CNTN3: variants seen among roughly 807,000 people sequenced by gnomAD.
CNTN3 encodes the protein contactin 3.
A neutral mutation model predicts 119.1 loss-of-function variants in CNTN3; 60 were observed. That is an observed-to-expected ratio of 0.50 (90% CI 0.41 to 0.62). CNTN3 has a LOEUF of 0.62. CNTN3 is among the 20% of genes least tolerant of loss of function. The pLI is 0.00. For synonymous variants in CNTN3, 450 were observed against 438.7 expected (o/e 1.03, Z -0.32); for missense variants, 1,101 against 1,242.4 (o/e 0.89, Z 1.71).
intron 2 of CNTN3, among the ~76,000 whole-genome samples, chr3:74,500,089 C>G (rs1350381148): frequency 2.0e-5 from 3 of 151,714 alleles, no homozygotes; most frequent in Non-Finnish European, 4.4e-5. Context: ...GGTGAATAAA[C>G]TATTACACCA....
At chr3:74,373,332 C>A (rs531266136) in intron 5 of CNTN3, among the ~76,000 whole-genome samples, 20 of 152,168 alleles carry the variant, frequency 1.3e-4, no homozygotes, top group African/African-American at 4.8e-4. Flanking sequence ...CCTGCTGCTC[C>A]GGCAACCTCA....
chr3:74,444,237 A>G (rs527295707), intron 4 of CNTN3, among the ~76,000 whole-genome samples: 124 of 151,064 alleles, frequency 8.2e-4, no homozygotes, highest in African/African-American at 3.0e-3. Context: ...TTCAAACAAC[A>G]TCCCATTCTG....
At chr3:74,446,012 A>G (rs552985918) in intron 4 of CNTN3, among the ~76,000 whole-genome samples, 1 of 152,272 alleles carries the variant, frequency 6.6e-6, no homozygotes, top group Admixed American at 6.5e-5. Flanking sequence ...TTTAAAGGCC[A>G]CATCTTTGTC....
chr3:74,574,518 C>T (rs1233569639), intron 1 of CNTN3, among the ~76,000 whole-genome samples: 1 of 152,090 alleles, frequency 6.6e-6, no homozygotes, highest in Non-Finnish European at 1.5e-5. Flanking sequence ...TAAATTAAAC[C>T]ACGTTTAGGT....
Position 74,387,084 on chromosome 3 carries a change from T to C in CNTN3, c.455-15685A>G, listed in dbSNP as rs146554954. Among the ~76,000 whole-genome samples the C allele has an allele frequency of 4.7e-3, 721 of 152,282 alleles. 12 individuals are homozygous for C. The highest frequency in any genetic ancestry group is 0.016 in the African/African-American group (685 of 41,556). On this transcript the variant is annotated intron_variant, in intron 5 of 22. Transcript: ENST00000263665. ...TGTCAAACAAGTTTACTGTGCTTTG[T>C]TGACAGTAAGAAACTCCAAAGTGAT...
At chr3:74,510,046 C>CATAT (rs5850186) in intron 2 of CNTN3, among the ~76,000 whole-genome samples, 28,491 of 147,576 alleles carry the variant, frequency 0.19, 2,830 homozygotes, top group South Asian at 0.35. Context: ...TATAAGTTTT[C>CATAT]ATATATATAT....
chr3:74,299,727 C>G, intron 17 of CNTN3, 141 bp downstream of exon 17: 1 of 567,456 alleles, frequency 1.8e-6, no homozygotes, highest in Non-Finnish European at 3.1e-6. Flanking sequence ...ACCTATATTA[C>G]CACCAGCAGC....
intron 4 of CNTN3, among the ~76,000 whole-genome samples, chr3:74,464,706 TC>T (rs1386825348): frequency 1.3e-5 from 2 of 152,208 alleles, no homozygotes; most frequent in Admixed American, 1.3e-4. Context: ...AGTTTTGCAC[TC>T]CTTCTCCTCC....
At chr3:74,267,436 C>T (rs955429782) in intron 20 of CNTN3, 58 bp from the exon 21 acceptor site, 6 of 1,199,428 alleles carry the variant, frequency 5.0e-6, no homozygotes, top group African/African-American at 3.0e-5. Flanking sequence ...ATATTTTACA[C>T]GGAGGAGATG....
At chr3:74,272,664 G>T (rs574516409) in intron 20 of CNTN3, among the ~76,000 whole-genome samples, 1 of 152,250 alleles carries the variant, frequency 6.6e-6, no homozygotes, top group Admixed American at 6.5e-5. Flanking sequence ...CCAACAAATA[G>T]CATTCAGTCA....
chr3:74,300,466 C>G (rs1295858762), intron 16 of CNTN3, among the ~76,000 whole-genome samples: 1 of 152,142 alleles, frequency 6.6e-6, no homozygotes, highest in Non-Finnish European at 1.5e-5. Context: ...ATAGAAGTCC[C>G]ATGAAGGTGG....
chr3:74,369,983 C>T lies in CNTN3; in HGVS notation c.667G>A (p.Gly223Ser), dbSNP rs750537362. Residue 223 changes from glycine to serine, a missense_variant, in exon 7 of 23, where the codon GGT (glycine) becomes AGT (serine). By Grantham distance (56) the Gly-to-Ser change is moderately conservative (BLOSUM62 0). Coordinates refer to ENST00000263665, the MANE Select transcript of CNTN3 (RefSeq NM_020872.3). ...ACTTCTATTTTAGGTTCATATTCACCCATCACACCTATAAATCCACAATAT... is the reference window on the plus strand; with the variant it reads ...ACTTCTATTTTAGGTTCATATTCACTCATCACACCTATAAATCCACAATAT... ...PLVLRSDGVM[G>S]EYEPKIEVQF... is the part of the protein sequence containing the mutation. The T allele has an allele frequency of 6.5e-7, 1 of 1,547,942 alleles. No homozygotes were observed. Among genetic ancestry groups the T allele is most frequent in the South Asian group, 1.1e-5 (1 of 88,828 alleles).
intron 5 of CNTN3, among the ~76,000 whole-genome samples, chr3:74,414,848 C>G: frequency 7.1e-6 from 1 of 140,684 alleles, no homozygotes; most frequent in South Asian, 2.4e-4. Context: ...CAGATCAATT[C>G]TTGGATCTCA....
At chr3:74,305,146 A>T (rs1252641140) in intron 13 of CNTN3, among the ~76,000 whole-genome samples, 1 of 152,206 alleles carries the variant, frequency 6.6e-6, no homozygotes, top group Non-Finnish European at 1.5e-5. Context: ...GGTGGTGTAA[A>T]CATGTGAAAC....
At position 74,273,609 on chromosome 3, in the gene CNTN3, A is replaced by G. The variant is rs143970243; in HGVS notation, c.2705-6231T>C. ...TTACCTGGAGCTGAGAGCTGAGTCA[A>G]TTTAGGAGCTGAGTGAAATACAGGG... On this transcript the variant is annotated intron_variant, in intron 20 of 22. Coordinates refer to ENST00000263665, the MANE Select transcript of CNTN3 (RefSeq NM_020872.3). Among the ~76,000 whole-genome samples the G allele has an allele frequency of 7.3e-3, 1,109 of 152,266 alleles. 11 individuals are homozygous for G. The highest frequency in any genetic ancestry group is 0.026 in the African/African-American group (1,070 of 41,548).
chr3:74,273,980 G>A (rs547352610), intron 20 of CNTN3, among the ~76,000 whole-genome samples: 1 of 152,240 alleles, frequency 6.6e-6, no homozygotes, highest in Admixed American at 6.5e-5. Flanking sequence ...GGCACAGTGG[G>A]AGTGAGACTG....
intron 13 of CNTN3, among the ~76,000 whole-genome samples, chr3:74,331,069 C>A (rs139044318): frequency 6.6e-6 from 1 of 152,116 alleles, no homozygotes; most frequent in East Asian, 1.9e-4. Flanking sequence ...TGAGTGTATC[C>A]TAAGTGTACA....
intron 1 of CNTN3, among the ~76,000 whole-genome samples, chr3:74,583,482 G>A (rs1704546866): frequency 6.6e-6 from 1 of 152,076 alleles, no homozygotes. Context: ...CATACATTAT[G>A]TTTCCATTTA....
chr3:74,511,663 CT>C (rs918675351), intron 2 of CNTN3, among the ~76,000 whole-genome samples: 1 of 152,002 alleles, frequency 6.6e-6, no homozygotes, highest in Admixed American at 6.6e-5. Context: ...AGTGAGACCC[CT>C]GTCTCTAAAA....
Sources: allele counts gnomAD v4.1 joint callset (sites outside exome capture counted in the v4.1 genomes callset), GRCh38; gene constraint gnomAD v4.1.1; transcripts MANE v1.5; gene names NCBI Gene and HGNC (gene_info 2026-07-23, HGNC 2026-07-21).